PCDH9: variants seen among roughly 807,000 people sequenced by gnomAD.
PCDH9 encodes protocadherin 9, also known as protocadherin-9.
Under a neutral mutation model 70.6 loss-of-function variants are expected in PCDH9, and 24 were observed. The ratio of observed to expected loss-of-function variants is 0.34; its 90% CI spans 0.25 to 0.48. The LOEUF is 0.48. Among genes scored for constraint, PCDH9 ranks in the 20% least tolerant of loss-of-function variants. The pLI is 0.99. For synonymous variants in PCDH9, 562 were observed against 558.5 expected (o/e 1.01, Z -0.09); for missense variants, 1,281 against 1,503.6 (o/e 0.85, Z 2.45).
At chr13:66,710,648 T>C (rs1402780093) in intron 3 of PCDH9, among the ~76,000 whole-genome samples, 1 of 152,182 alleles carries the variant, frequency 6.6e-6, no homozygotes, top group Admixed American at 6.5e-5. Context: ...ATGTATAACC[T>C]TACATTTTCA....
At position 66,804,349 on chromosome 13, in the gene PCDH9, G is replaced by T. The variant is rs114204116; in HGVS notation, c.3138+99155C>A. On this transcript the variant is annotated intron_variant, in intron 3 of 4. Coordinates refer to ENST00000377865, the MANE Select transcript of PCDH9 (RefSeq NM_203487.3). ...TCACACACATGTGAGGAGAAGAGGA[G>T]ACTGGTCATTTGGCATAAACAATGA... 5.0e-3 allele frequency among the ~76,000 whole-genome samples: 763 copies of T among 152,286 alleles called. 6 individuals carry two copies. The highest frequency in any genetic ancestry group is 0.018 in the African/African-American group (747 of 41,558).
chr13:66,680,189 A>G (rs1325343300), intron 3 of PCDH9, among the ~76,000 whole-genome samples: 1 of 151,964 alleles, frequency 6.6e-6, no homozygotes, highest in East Asian at 1.9e-4. Context: ...TCTATCTTGG[A>G]CTTCTGTGAA....
intron 4 of PCDH9, among the ~76,000 whole-genome samples, chr13:66,452,667 A>G (rs1958237291): frequency 6.6e-6 from 1 of 152,044 alleles, no homozygotes; most frequent in South Asian, 2.1e-4. Flanking sequence ...TGAATCCAAG[A>G]ATGCAATTAC....
chr13:66,388,313 C>G lies in PCDH9; in HGVS notation c.3341-83285G>C, dbSNP rs114601866. On this transcript the variant is annotated intron_variant, in intron 4 of 4. Coordinates refer to ENST00000377865, the MANE Select transcript of PCDH9 (RefSeq NM_203487.3). ...ACTCACTGGAAATAGAATTCGTGTA[C>G]ATAGGATAATAATTTCAGTGAACTG... Among the ~76,000 whole-genome samples, 892 of 152,202 alleles carry G rather than the reference C, an allele frequency of 5.9e-3. 9 individuals are homozygous for G. The highest frequency in any genetic ancestry group is 0.02 in the African/African-American group (840 of 41,542).
intron 3 of PCDH9, among the ~76,000 whole-genome samples, chr13:66,814,762 G>T (rs536146357): frequency 6.6e-6 from 1 of 152,144 alleles, no homozygotes; most frequent in African/African-American, 2.4e-5. Context: ...ATCAACTCAA[G>T]ATATATTAAA....
At chr13:66,705,599 C>T in intron 3 of PCDH9, among the ~76,000 whole-genome samples, 1 of 152,124 alleles carries the variant, frequency 6.6e-6, no homozygotes, top group African/African-American at 2.4e-5. Flanking sequence ...TCACATATAT[C>T]TTAAAATTTT....
At chr13:67,132,327 C>T (rs1323411022) in intron 2 of PCDH9, among the ~76,000 whole-genome samples, 4 of 152,098 alleles carry the variant, frequency 2.6e-5, no homozygotes, top group Admixed American at 6.6e-5. Context: ...CAGAAATATA[C>T]TCATCATCCC....
chr13:66,356,733 G>C (rs1956390311), intron 4 of PCDH9, among the ~76,000 whole-genome samples: 1 of 152,048 alleles, frequency 6.6e-6, no homozygotes. Flanking sequence ...ACATCTTGTA[G>C]TTACAGTAAG....
At chr13:66,737,900 G>A (rs1458239081) in intron 3 of PCDH9, among the ~76,000 whole-genome samples, 3 of 27,628 alleles carry the variant, frequency 1.1e-4, no homozygotes, top group African/African-American at 2.0e-4. Flanking sequence ...AAACTGCAAG[G>A]CGGCAGCGAG....
intron 3 of PCDH9, among the ~76,000 whole-genome samples, chr13:66,879,875 A>G (rs1488738816): frequency 6.6e-6 from 1 of 152,184 alleles, no homozygotes; most frequent in African/African-American, 2.4e-5. Flanking sequence ...AGGAAATGAA[A>G]TAAGACATCC....
chr13:66,747,154 A>T (rs2079380072), intron 3 of PCDH9, among the ~76,000 whole-genome samples: 1 of 152,204 alleles, frequency 6.6e-6, no homozygotes, highest in Non-Finnish European at 1.5e-5. Flanking sequence ...GTTCAAGACC[A>T]GTCTGGCCAA....
At chr13:66,791,639 TGTA>T (rs568487032) in intron 3 of PCDH9, among the ~76,000 whole-genome samples, 19 of 152,272 alleles carry the variant, frequency 1.2e-4, no homozygotes, top group African/African-American at 3.8e-4. Context: ...ATGTAAATAA[TGTA>T]GTAATGCTAT....
At chr13:66,971,402 C>T (rs987567208) in intron 2 of PCDH9, among the ~76,000 whole-genome samples, 30 of 151,926 alleles carry the variant, frequency 2.0e-4, no homozygotes, top group African/African-American at 7.0e-4. Flanking sequence ...TTAAAAATCC[C>T]TTTTTTAAAA....
chr13:66,890,295 T>C (rs989777368), intron 3 of PCDH9, among the ~76,000 whole-genome samples: 8 of 152,126 alleles, frequency 5.3e-5, no homozygotes, highest in African/African-American at 1.7e-4. Flanking sequence ...TATTGGGTTA[T>C]CATTTGCATA....
intron 3 of PCDH9, among the ~76,000 whole-genome samples, chr13:66,674,455 T>C (rs1289420109): frequency 6.6e-6 from 1 of 152,038 alleles, no homozygotes; most frequent in South Asian, 2.1e-4. Flanking sequence ...GAAAAACAAA[T>C]AGGAGAGTTT....
chr13:66,352,496 T>C (rs899945532), intron 4 of PCDH9, among the ~76,000 whole-genome samples: 9 of 152,166 alleles, frequency 5.9e-5, no homozygotes, highest in Admixed American at 5.9e-4. Context: ...CCTCCTCTCA[T>C]GGCTTGTAGG....
chr13:66,454,023 T>TA (rs941531383), intron 4 of PCDH9, among the ~76,000 whole-genome samples: 15 of 151,912 alleles, frequency 9.9e-5, no homozygotes, highest in Admixed American at 3.3e-4. Flanking sequence ...CCTTGGGAAC[T>TA]AAAAAAAATC....
chr13:66,873,046 G>C (rs2081726186), intron 3 of PCDH9, among the ~76,000 whole-genome samples: 1 of 152,050 alleles, frequency 6.6e-6, no homozygotes, highest in Non-Finnish European at 1.5e-5. Context: ...TGTGTATATA[G>C]ATGCATTTGT....
At chr13:66,763,085 C>G (rs1433368960) in intron 3 of PCDH9, among the ~76,000 whole-genome samples, 1 of 151,792 alleles carries the variant, frequency 6.6e-6, no homozygotes, top group African/African-American at 2.4e-5. Flanking sequence ...CCAGCTTCAG[C>G]CTTCCAAGTA....
Sources: gnomAD v4.1 joint callset for allele counts (sites outside exome capture counted in the v4.1 genomes callset) on GRCh38, gnomAD v4.1.1 for gene constraint, MANE v1.5 for transcripts, NCBI Gene and HGNC (gene_info 2026-07-23, HGNC 2026-07-21) for gene names.